SLC22A23: variants seen among roughly 807,000 people sequenced by gnomAD.
The protein encoded by SLC22A23 is solute carrier family 22 member 23.
A neutral mutation model predicts 61.0 loss-of-function variants in SLC22A23; 26 were observed. The observed-to-expected ratio is 0.43, with a 90% CI of 0.31 to 0.59. The LOEUF (loss-of-function observed/expected upper bound fraction) is 0.59. SLC22A23 is among the 20% of genes least tolerant of loss of function. The pLI, the probability that SLC22A23 is intolerant of heterozygous loss-of-function variation, is 0.11. For missense variants in SLC22A23, 796 were observed against 934.7 expected (o/e 0.85, Z 1.94); for synonymous variants, 430 against 413.9 (o/e 1.04, Z -0.47).
In SLC22A23 at chr6:3,271,602, T is replaced by G. The variant is rs1444648641; in HGVS notation, c.*1453A>C. On this transcript the variant is annotated 3_prime_UTR_variant, in exon 10 of 10. Transcript: ENST00000406686. ...GACACAGCCCATGGCAAAGACATGC[T>G]TCGAGAAGGGATGAGTTGGACAATG... 6.6e-6 allele frequency: 1 copy of G among 152,322 alleles called. No homozygotes were observed. Among genetic ancestry groups the G allele is most frequent in the African/African-American group, 2.4e-5 (1 of 41,432 alleles). The allele number at this position is 152,322 out of a possible 1,614,324, so 9.4% of individuals were successfully genotyped here. A position where few individuals can be genotyped will look rare whatever the true frequency, so the allele number is the denominator to read the frequency against.
chr6:3,392,539 T>C (rs1465512822), intron 3 of SLC22A23, among the ~76,000 whole-genome samples: 2 of 152,162 alleles, frequency 1.3e-5, no homozygotes, highest in African/African-American at 4.8e-5. Context: ...GAAGATCAGT[T>C]AGAAAGCCAT....
At chr6:3,394,446 G>A (rs1767874636) in intron 3 of SLC22A23, among the ~76,000 whole-genome samples, 1 of 152,170 alleles carries the variant, frequency 6.6e-6, no homozygotes. Context: ...GTCAAGAACA[G>A]GAATGATTGT....
chr6:3,364,485 GTGAGGTCACACCATGTGA>G (rs1765677463), intron 3 of SLC22A23, among the ~76,000 whole-genome samples: 1 of 152,114 alleles, frequency 6.6e-6, no homozygotes, highest in Admixed American at 6.5e-5. Flanking sequence ...TTAAAAAAAA[GTGAGGTCACACCATGTGA>G]TGAGGTCACA....
At chr6:3,443,679 C>A (rs1771733323) in intron 1 of SLC22A23, among the ~76,000 whole-genome samples, 1 of 152,192 alleles carries the variant, frequency 6.6e-6, no homozygotes, top group African/African-American at 2.4e-5. Flanking sequence ...CCTGTCACAC[C>A]GTTTGAAGGA....
chr6:3,289,705 TC>T lies in SLC22A23; in HGVS notation c.1313+58del, dbSNP rs1760392988. On this transcript the variant is annotated intron_variant, in intron 6 of 9. Transcript: ENST00000406686. ...GGAGCAGGGCCCTGGGCTTCACCAC[TC>T]CCCACCTTCTTCCCTGGCCCCCTCC... 15 of 1,447,600 alleles carry T rather than the reference TC, an allele frequency of 1.0e-5. No individual in the cohort carries two copies. The South Asian group carries it at 1.7e-4, about 17-fold the overall frequency. 89.7% of individuals were successfully genotyped at this position (1,447,600 alleles called of 1,614,324 possible).
intron 8 of SLC22A23, 94 bp from the exon 9 acceptor site, chr6:3,284,069 A>G: frequency 7.5e-7 from 1 of 1,329,966 alleles, no homozygotes; most frequent in Non-Finnish European, 1.0e-6. Flanking sequence ...GCTCCTTCCC[A>G]GTGTCCAGCT....
At chr6:3,284,945 A>G (rs1352081192) in intron 8 of SLC22A23, 134 bp downstream of exon 8, 17 of 1,547,416 alleles carry the variant, frequency 1.1e-5, no homozygotes, top group South Asian at 4.8e-5. Context: ...CCTACGGCCA[A>G]CTTCAGCTGC....
In SLC22A23 at chr6:3,415,125, G is replaced by A. The variant is rs117243928; in HGVS notation, c.758+627C>T. On this transcript the variant is annotated intron_variant, in intron 2 of 9. Transcript: ENST00000406686. ...CTACTTAGCACAGTGCCTGCTACAC[G>A]GTAATCTTTCAGCTGCTAATGTTAT... 3.3e-4 allele frequency among the ~76,000 whole-genome samples: 50 copies of A among 152,330 alleles called. No individual in the cohort carries two copies. The East Asian group carries it at 5.6e-3, about 17-fold the overall frequency.
At chr6:3,307,009 G>A (rs957595473) in intron 4 of SLC22A23, among the ~76,000 whole-genome samples, 1 of 152,242 alleles carries the variant, frequency 6.6e-6, no homozygotes, top group Non-Finnish European at 1.5e-5. Context: ...ATACAGCAAT[G>A]GAGGGGCACA....
chr6:3,456,009 G>A lies in SLC22A23; in HGVS notation c.551C>T (p.Pro184Leu). The change falls in exon 1 of 10, where the codon CCC becomes CTC. Residue 184 changes from proline (P) to leucine (L), a missense_variant. Physicochemically the swap from Pro to Leu is moderately conservative, Grantham distance 98. Transcript: ENST00000406686. This position sits in a 1 kb window ranked among gnomAD's most constrained non-coding sequence, Gnocchi z 7.1. ...SSGADGGDTP[P>L]LPSPPDKGDN... ...CCCCTTGTCCGGAGGGGATGGCAGG[G>A]GTGGTGTGTCGCCTCCGTCCGCGCC... is the stretch of plus-strand genomic sequence containing the variant. 6.5e-7 allele frequency: 1 copy of A among 1,547,100 alleles called. No homozygotes were observed. Among genetic ancestry groups the A allele is most frequent in the Non-Finnish European group, 8.7e-7 (1 of 1,146,802 alleles).
intron 3 of SLC22A23, among the ~76,000 whole-genome samples, chr6:3,336,513 T>G (rs1486501097): frequency 1.3e-5 from 2 of 152,228 alleles, no homozygotes; most frequent in Non-Finnish European, 2.9e-5. Flanking sequence ...CCTATTCCCC[T>G]TCTCACAGGC....
Position 3,271,299 on chromosome 6 carries a change from G to T in SLC22A23, c.*1756C>A, listed in dbSNP as rs958565758. 1 of 152,328 alleles carries T rather than the reference G, an allele frequency of 6.6e-6. No individual in the cohort carries two copies. The highest frequency in any genetic ancestry group is 6.5e-5 in the Admixed American group (1 of 15,292). The allele number at this position is 152,328 out of a possible 1,614,324, so 9.4% of individuals were successfully genotyped here. The stretch of plus-strand genomic sequence containing the variant: ...CTGGCCAGACAGCCTCCCTTCCTGG[G>T]TATCTCAAGATCCCAGGTGTCGGCG... On this transcript the variant is annotated 3_prime_UTR_variant, in exon 10 of 10. Coordinates refer to ENST00000406686, the MANE Select transcript of SLC22A23 (RefSeq NM_015482.2).
intron 3 of SLC22A23, among the ~76,000 whole-genome samples, chr6:3,349,096 A>G (rs1167553208): frequency 6.6e-6 from 1 of 152,202 alleles, no homozygotes; most frequent in African/African-American, 2.4e-5. Flanking sequence ...GCCCTCAAGG[A>G]CAGCTGCCTT....
In SLC22A23 at chr6:3,286,952, C is replaced by G. The variant is rs763094340; in HGVS notation, c.1453G>C (p.Val485Leu). Residue 485 changes from valine (V) to leucine (L), a missense_variant, in exon 7 of 10, where the codon GTG becomes CTG. Coordinates refer to ENST00000406686, the MANE Select transcript of SLC22A23 (RefSeq NM_015482.2). The surrounding 1 kb of genome is among the most constrained non-coding windows in gnomAD (Gnocchi z 4.2). ...IALVSCLAMC[V>L]VVRFLGRRGG... ...CTGCGCCCGAGGAATCGGACCACCA[C>G]GCACATGGCCAGGCAGGACACCAGC... The G allele has an allele frequency of 6.2e-7, 1 of 1,613,990 alleles. No homozygotes were observed. The highest frequency in any genetic ancestry group is 8.5e-7 in the Non-Finnish European group (1 of 1,180,044).
chr6:3,326,203 A>G (rs1171497256), intron 3 of SLC22A23, among the ~76,000 whole-genome samples: 3 of 152,216 alleles, frequency 2.0e-5, no homozygotes, highest in Non-Finnish European at 4.4e-5. Flanking sequence ...TGGCTGGCAC[A>G]TCTCTTAGTG....
chr6:3,375,980 T>C (rs1766534811), intron 3 of SLC22A23, among the ~76,000 whole-genome samples: 1 of 152,272 alleles, frequency 6.6e-6, no homozygotes, highest in South Asian at 2.1e-4. Context: ...TGTATTTCAA[T>C]TCTATTTCTA....
chr6:3,312,620 T>C (rs1762425567), intron 4 of SLC22A23: 1 of 152,306 alleles, frequency 6.6e-6, no homozygotes, highest in Admixed American at 6.5e-5. Context: ...TCTTTAGTAC[T>C]GGCCATGTGG....
chr6:3,379,339 T>G (rs1360282583), intron 3 of SLC22A23, among the ~76,000 whole-genome samples: 1 of 152,206 alleles, frequency 6.6e-6, no homozygotes, highest in Non-Finnish European at 1.5e-5. Flanking sequence ...ATCTTTTTAA[T>G]GACTATCTAT....
At chr6:3,374,183 T>C (rs1188410899) in intron 3 of SLC22A23, among the ~76,000 whole-genome samples, 17 of 152,234 alleles carry the variant, frequency 1.1e-4, no homozygotes, top group Admixed American at 1.1e-3. Flanking sequence ...TTAAATATCA[T>C]TTATGACATC....
Sources: gnomAD v4.1 joint callset for allele counts (sites outside exome capture counted in the v4.1 genomes callset) on GRCh38, gnomAD v4.1.1 for gene constraint, Gnocchi (gnomAD v3.1) non-coding constraint, MANE v1.5 for transcripts, NCBI Gene and HGNC (gene_info 2026-07-23, HGNC 2026-07-21) for gene names.